The following SLC18A1 variants were observed in gnomAD, a reference collection of about 807,000 sequenced individuals.
SLC18A1 encodes the protein solute carrier family 18 member A1.
In SLC18A1, 69 loss-of-function variants were observed where a neutral mutation model predicts 53.7. That is an observed-to-expected ratio of 1.28 (90% confidence interval 1.06 to 1.57). The LOEUF is 1.57. Among genes scored for constraint, SLC18A1 ranks in the 40% most tolerant of loss-of-function variants. The pLI, the probability that SLC18A1 is intolerant of heterozygous loss-of-function variation, is 0.00. For synonymous variants in SLC18A1, 320 were observed against 248.1 expected (o/e 1.29, Z -2.72); for missense variants, 932 against 668.1 (o/e 1.40, Z -4.35).
At chr8:20,149,561 T>G (rs2071491536) in intron 12 of SLC18A1, 115 bp downstream of exon 12, 1 of 794,634 alleles carries the variant, frequency 1.3e-6, no homozygotes, top group Non-Finnish European at 2.0e-6. Flanking sequence ...AGTCTTTAAA[T>G]GTCTGTGTCT....
chr8:20,167,944 A>G (rs973922540), intron 8 of SLC18A1, among the ~76,000 whole-genome samples: 15 of 151,980 alleles, frequency 9.9e-5, no homozygotes, highest in African/African-American at 3.6e-4. Context: ...TCTAAACACC[A>G]TTCCCTACTA....
chr8:20,173,031 C>A lies in SLC18A1; in HGVS notation c.724+5G>T. 1 of 1,580,542 alleles carries A rather than the reference C, an allele frequency of 6.3e-7. No homozygotes were observed. Among genetic ancestry groups the A allele is most frequent in the East Asian group, 2.3e-5 (1 of 43,038 alleles). ...GAACCCAGAGCTCCAGCTGGTGCCA[C>A]TTACCCAGCAACCCCAAGGCCAGGC... On this transcript the variant is annotated splice_donor_5th_base_variant and intron_variant, in intron 6 of 15. Transcript: ENST00000276373.
intron 10 of SLC18A1, among the ~76,000 whole-genome samples, chr8:20,152,161 T>A (rs924170162): frequency 2.0e-5 from 3 of 152,164 alleles, no homozygotes; most frequent in African/African-American, 7.2e-5. Flanking sequence ...AATTAAGATG[T>A]CTTAAAGAAA....
Position 20,145,727 on chromosome 8 carries a change from C to T in SLC18A1, c.*36G>A. 1 of 1,384,012 alleles carries T rather than the reference C, an allele frequency of 7.2e-7. No homozygotes were observed. Among genetic ancestry groups the T allele is most frequent in the Non-Finnish European group, 1.0e-6 (1 of 981,902 alleles). The allele number at this position is 1,384,012 out of a possible 1,614,324, so 85.7% of individuals were successfully genotyped here. A position where few individuals can be genotyped will look rare whatever the true frequency, so the allele number is the denominator to read the frequency against. ...CTGGTCCCAGGGAAAGAGGTGGTCA[C>T]TGAGGCATCATGAATTCAAGGAGCA... On this transcript the variant is annotated 3_prime_UTR_variant, in exon 16 of 16. Coordinates refer to ENST00000276373, the MANE Select transcript of SLC18A1 (RefSeq NM_003053.4).
chr8:20,151,215 T>G (rs1481509502), intron 10 of SLC18A1, among the ~76,000 whole-genome samples: 2 of 151,090 alleles, frequency 1.3e-5, no homozygotes, highest in Non-Finnish European at 2.9e-5. Context: ...TTGCCCAGGC[T>G]GGTCATGAAA....
At position 20,171,087 on chromosome 8, in the gene SLC18A1, C is replaced by A. The variant is rs762194316; in HGVS notation, c.858+16G>T. Reference sequence around the variant, plus strand: ...TCCTGTATAACTGTTAGAAATGGAGCTTTGTGTCTGCTTACCTCAGGAGAG... The same window carrying A: ...TCCTGTATAACTGTTAGAAATGGAGATTTGTGTCTGCTTACCTCAGGAGAG... On this transcript the variant is annotated intron_variant, in intron 8 of 15. Coordinates refer to ENST00000276373, the MANE Select transcript of SLC18A1 (RefSeq NM_003053.4). The A allele has an allele frequency of 5.6e-6, 9 of 1,613,828 alleles. No individual in the cohort carries two copies. In the Admixed American group the frequency reaches 1.3e-4, roughly 24 times the overall value.
Position 20,145,795 on chromosome 8 carries a change from C to T in SLC18A1, c.1546G>A (p.Asp516Asn). The stretch of plus-strand genomic sequence containing the variant: ...TCATGGTCAGGCTCCTCATCACTGT[C>T]CTCCCCCAGAGGAAATTCCTTCGTG... The part of the protein sequence containing the change: ...KPTKEFPLGE[D>N]SDEEPDHEE The change falls in exon 16 of 16, where the codon GAC becomes AAC. Residue 516 changes from aspartate (D) to asparagine (N), a missense_variant. Asp to Asn is a conservative substitution (Grantham distance 23). Transcript: ENST00000276373. 1 of 1,611,910 alleles carries T rather than the reference C, an allele frequency of 6.2e-7. No individual in the cohort carries two copies.
chr8:20,154,921 A>C (rs1237994262), intron 10 of SLC18A1, among the ~76,000 whole-genome samples: 2 of 152,030 alleles, frequency 1.3e-5, no homozygotes, highest in African/African-American at 2.4e-5. Flanking sequence ...TGCACTTCTG[A>C]TCCAGCAAGG....
Position 20,150,684 on chromosome 8 carries a change from A to T in SLC18A1, c.1076T>A (p.Leu359Ter). 6.2e-7 allele frequency: 1 copy of T among 1,614,158 alleles called. No homozygotes were observed. Among genetic ancestry groups the T allele is most frequent in the Non-Finnish European group, 8.5e-7 (1 of 1,180,008 alleles). ...TACATACCGACCCATCTTGTTGGCC[A>T]ACACACCAAAGAGGTTGGTGCCAAT... ...YLIGTNLFGVLANKMGRWLCS... is the reference protein window; with the variant it reads ...YLIGTNLFGV Residue 359 changes from leucine to a stop codon, truncating the protein, a stop_gained, in exon 11 of 16, where the codon TTG becomes TAG. Transcript: ENST00000276373. LOFTEE classifies it high-confidence loss of function.
chr8:20,161,956 A>G (rs536088522), intron 10 of SLC18A1, among the ~76,000 whole-genome samples: 76 of 152,242 alleles, frequency 5.0e-4, no homozygotes, highest in Non-Finnish European at 7.6e-4. Context: ...TGTGCATGGC[A>G]TCTTTTGAAA....
At chr8:20,151,679 A>C (rs916787594) in intron 10 of SLC18A1, among the ~76,000 whole-genome samples, 10 of 152,224 alleles carry the variant, frequency 6.6e-5, no homozygotes, top group African/African-American at 2.2e-4. Flanking sequence ...GGAAGTGTTC[A>C]GGAAACATGG....
In SLC18A1 at chr8:20,179,018, T is replaced by C. The variant is rs377270498; in HGVS notation, c.488+103A>G. On this transcript the variant is annotated intron_variant, in intron 3 of 15. Coordinates refer to ENST00000276373, the MANE Select transcript of SLC18A1 (RefSeq NM_003053.4). ...AATAGCTGACTCCCCTGAGGAATCA[T>C]ACAAGTGAGTATTTCTTCTTTTTCC... 15 of 1,388,362 alleles carry C rather than the reference T, an allele frequency of 1.1e-5. No individual in the cohort carries two copies. The South Asian group carries it at 1.7e-4, about 16-fold the overall frequency. The allele number at this position is 1,388,362 out of a possible 1,614,324, so 86.0% of individuals were successfully genotyped here.
intron 8 of SLC18A1, among the ~76,000 whole-genome samples, chr8:20,168,900 G>T (rs1009167596): frequency 1.3e-5 from 2 of 152,180 alleles, no homozygotes; most frequent in South Asian, 2.1e-4. Context: ...CCAGTATTTT[G>T]TAAACATTAT....
In SLC18A1 at chr8:20,173,046, C is replaced by T; in HGVS notation, c.714G>A (p.Leu238=). ...GCTGGTGCCACTTACCCAGCAACCC[C>T]AAGGCCAGGCCCCCCAGAGCAGTTC... ...AMGTALGGLA[L]GLLVGAPFGS... The change falls in exon 6 of 16, where the codon TTG becomes TTA. Residue 238 remains leucine (L), a synonymous_variant. Transcript: ENST00000276373. 1 of 1,587,910 alleles carries T rather than the reference C, an allele frequency of 6.3e-7. No homozygotes were observed.
intron 2 of SLC18A1, among the ~76,000 whole-genome samples, chr8:20,179,720 G>T (rs2072370937): frequency 6.6e-6 from 1 of 152,210 alleles, no homozygotes; most frequent in Non-Finnish European, 1.5e-5. Flanking sequence ...AAAAGACTGT[G>T]CCTGCCCAAG....
chr8:20,148,482 A>C (rs1585187756), intron 12 of SLC18A1: 2 of 1,288,730 alleles, frequency 1.6e-6, no homozygotes, highest in Non-Finnish European at 2.0e-6. Flanking sequence ...TATGGACATC[A>C]CTGAAAGGTT....
rs1347554951 is a variant in SLC18A1 at position 20,179,415 on chromosome 8, T to C, written c.194A>G (p.His65Arg). 5.0e-6 allele frequency: 8 copies of C among 1,613,982 alleles called. No individual in the cohort carries two copies. Among genetic ancestry groups the C allele is most frequent in the African/African-American group, 1.3e-5 (1 of 74,926 alleles). Reference sequence around the variant, plus strand: ...GAGGGCATGTGGGGAACTTCCGGCATGGCCGAGGTGCAGAGAAGAGTTGAC... The same window carrying C: ...GAGGGCATGTGGGGAACTTCCGGCACGGCCGAGGTGCAGAGAAGAGTTGAC... ...KEVNSSLHLG[H>R]AGSSPHALAS... Residue 65 changes from histidine (H) to arginine (R), a missense_variant, in exon 3 of 16, where the codon CAT (histidine) becomes CGT (arginine). Coordinates refer to ENST00000276373, the MANE Select transcript of SLC18A1 (RefSeq NM_003053.4).
chr8:20,164,848 G>A (rs773563931), intron 10 of SLC18A1, 21 bp downstream of exon 10: 45 of 1,578,442 alleles, frequency 2.9e-5, no homozygotes, highest in Admixed American at 2.2e-4. Flanking sequence ...GGCCCTGAGC[G>A]GGGGTGCTGA....
At chr8:20,179,577 T>C in intron 2 of SLC18A1, 93 bp from the exon 3 acceptor site, 1 of 1,470,486 alleles carries the variant, frequency 6.8e-7, no homozygotes, top group Non-Finnish European at 9.2e-7. Flanking sequence ...TCAATTCTAC[T>C]GAAAGTCAAG....
Sources: allele counts gnomAD v4.1 joint callset (sites outside exome capture counted in the v4.1 genomes callset), GRCh38; gene constraint gnomAD v4.1.1; transcripts MANE v1.5; gene names NCBI Gene and HGNC (gene_info 2026-07-23, HGNC 2026-07-21).